The following SH3RF3 variants were observed in gnomAD, a reference collection of about 807,000 sequenced individuals.
The protein encoded by SH3RF3 is E3 ubiquitin-protein ligase SH3RF3.
Under a neutral mutation model 66.3 loss-of-function variants are expected in SH3RF3, and 29 were observed. That is an observed-to-expected ratio of 0.44 (90% CI 0.33 to 0.60). SH3RF3 has a LOEUF of 0.60. SH3RF3 is among the 20% of genes least tolerant of loss of function. SH3RF3 has a pLI of 0.04. For missense variants in SH3RF3, 1,194 were observed against 1,190.9 expected (o/e 1.00, Z -0.04); for synonymous variants, 583 against 532.0 (o/e 1.10, Z -1.32).
intron 1 of SH3RF3, among the ~76,000 whole-genome samples, chr2:109,304,440 G>A (rs1078254): frequency 0.32 from 48,046 of 151,704 alleles, 9,522 homozygotes; most frequent in African/African-American, 0.57. Context: ...TTAAGGCTGA[G>A]TTGCCCCACG....
intron 1 of SH3RF3, among the ~76,000 whole-genome samples, chr2:109,271,405 A>G (rs1019559957): frequency 1.3e-5 from 2 of 152,208 alleles, no homozygotes; most frequent in East Asian, 1.9e-4. Context: ...TAGAGTAAAA[A>G]CATTTCACAT....
rs1344939483 is a variant in SH3RF3, at chr2:109,131,022, C to A, written c.573+909C>A. Among the ~76,000 whole-genome samples the A allele has an allele frequency of 3.9e-5, 6 of 152,138 alleles. No individual in the cohort carries two copies. The East Asian group carries it at 1.2e-3, about 29-fold the overall frequency. ...AAGCACTTAAATGTTAAAAAAAATA[C>A]ATTATCTATTGGAATAATCATTTGC... On this transcript the variant is annotated intron_variant, in intron 1 of 9. Coordinates refer to ENST00000309415, the MANE Select transcript of SH3RF3 (RefSeq NM_001099289.3).
intron 1 of SH3RF3, among the ~76,000 whole-genome samples, chr2:109,179,967 AG>A (rs10713791): frequency 0.81 from 122,953 of 151,970 alleles, 49,874 homozygotes; most frequent in South Asian, 0.86. Flanking sequence ...TTGGACCCAA[AG>A]GTGTTCTTAA....
At chr2:109,246,366 A>G (rs897752912) in intron 1 of SH3RF3, among the ~76,000 whole-genome samples, 5 of 152,146 alleles carry the variant, frequency 3.3e-5, no homozygotes, top group Admixed American at 1.3e-4. Flanking sequence ...AGAGGGGGCA[A>G]GGCAACTCTC....
intron 1 of SH3RF3, among the ~76,000 whole-genome samples, chr2:109,146,503 G>A (rs1370351334): frequency 6.6e-6 from 1 of 152,122 alleles, no homozygotes; most frequent in African/African-American, 2.4e-5. Context: ...TTCAATGGCA[G>A]GAGGAAGGGC....
At chr2:109,297,716 A>C (rs1453042199) in intron 1 of SH3RF3, among the ~76,000 whole-genome samples, 1 of 132,772 alleles carries the variant, frequency 7.5e-6, no homozygotes, top group Non-Finnish European at 1.6e-5. Context: ...ATGCCCCCCA[A>C]CTGGGTCCGT....
In SH3RF3 at chr2:109,449,609, G is replaced by A. The variant is rs111638237; in HGVS notation, c.2148+120G>A. 6.3e-3 allele frequency: 7,947 copies of A among 1,268,932 alleles called. 40 individuals carry two copies. Among genetic ancestry groups the A allele is most frequent in the Non-Finnish European group, 7.2e-3 (6,712 of 934,998 alleles). 78.6% of individuals were successfully genotyped at this position (1,268,932 alleles called of 1,614,324 possible). A position where few individuals can be genotyped will look rare whatever the true frequency, so the allele number is the denominator to read the frequency against. ...GCTAGAATGTGGGCTCCAAGTGCCT[G>A]CCCCTAGATGAACCAGGCGTGTGAC... On this transcript the variant is annotated intron_variant, in intron 8 of 9. Coordinates refer to ENST00000309415, the MANE Select transcript of SH3RF3 (RefSeq NM_001099289.3).
In SH3RF3 at chr2:109,490,835, G is replaced by A. The variant is rs1354791695; in HGVS notation, c.2379G>A (p.Arg793=). The change falls in exon 9 of 10, where the codon AGG becomes AGA. Residue 793 remains arginine, a synonymous_variant. Coordinates refer to ENST00000309415, the MANE Select transcript of SH3RF3 (RefSeq NM_001099289.3). ...QGAMGMEPLH[R]KAGSLDLNFT... ...CCATGGGGATGGAGCCTCTGCACAG[G>A]AAGGCAGGCTCCTTGGATCTAAACT... The A allele has an allele frequency of 2.0e-6, 3 of 1,536,840 alleles. No homozygotes were observed. Among genetic ancestry groups the A allele is most frequent in the Admixed American group, 2.0e-5 (1 of 50,988 alleles).
chr2:109,345,195 C>A (rs938994558), intron 1 of SH3RF3, among the ~76,000 whole-genome samples: 1 of 152,214 alleles, frequency 6.6e-6, no homozygotes, highest in Non-Finnish European at 1.5e-5. Flanking sequence ...ACCTGCCACA[C>A]TACCTAAGTT....
rs543964739 is a variant in SH3RF3, at chr2:109,261,871, A to G, written c.574-85803A>G. Among the ~76,000 whole-genome samples the G allele has an allele frequency of 3.8e-4, 57 of 151,600 alleles. No individual in the cohort carries two copies. The South Asian group carries it at 5.6e-3, about 15-fold the overall frequency. On this transcript the variant is annotated intron_variant, in intron 1 of 9. Transcript: ENST00000309415. ...AGGCTTGCCTTTTTTTTTTAAATTT[A>G]TTAATTGGGCTCTCTGCTGATACGA... is the stretch of plus-strand genomic sequence containing the variant.
chr2:109,300,765 T>C (rs527437666), intron 1 of SH3RF3, among the ~76,000 whole-genome samples: 1 of 152,316 alleles, frequency 6.6e-6, no homozygotes, highest in Non-Finnish European at 1.5e-5. Flanking sequence ...TTCATGTGGG[T>C]TGGGCTCCAC....
intron 4 of SH3RF3, among the ~76,000 whole-genome samples, chr2:109,403,485 G>A (rs796944712): frequency 1.2e-4 from 19 of 152,344 alleles, no homozygotes; most frequent in African/African-American, 4.3e-4. Flanking sequence ...GCCCTCCCTG[G>A]CCTTCCAGGG....
intron 3 of SH3RF3, among the ~76,000 whole-genome samples, chr2:109,375,455 G>A (rs1468680243): frequency 6.6e-6 from 1 of 152,106 alleles, no homozygotes. Flanking sequence ...GAGAGGAGTG[G>A]GCCTGGCCTC....
chr2:109,163,222 A>G (rs955860625), intron 1 of SH3RF3, among the ~76,000 whole-genome samples: 6 of 152,126 alleles, frequency 3.9e-5, no homozygotes, highest in African/African-American at 1.4e-4. Flanking sequence ...GCACAAGCCC[A>G]GAACTATTTT....
At chr2:109,145,729 C>T (rs907160458) in intron 1 of SH3RF3, among the ~76,000 whole-genome samples, 5 of 152,204 alleles carry the variant, frequency 3.3e-5, no homozygotes, top group African/African-American at 1.2e-4. Context: ...CCACACCATC[C>T]GTTGAGCCTC....
chr2:109,445,170 A>T (rs113529805), intron 7 of SH3RF3, among the ~76,000 whole-genome samples: 1,983 of 152,328 alleles, frequency 0.013, 52 homozygotes, highest in African/African-American at 0.046. Context: ...TGTGAAAGAG[A>T]TGTATAAACA....
chr2:109,276,289 A>AGG (rs1428615426), intron 1 of SH3RF3, among the ~76,000 whole-genome samples: 2 of 152,214 alleles, frequency 1.3e-5, no homozygotes, highest in Non-Finnish European at 2.9e-5. Flanking sequence ...GCTCTAGAAA[A>AGG]GGGTCACGAT....
intron 8 of SH3RF3, among the ~76,000 whole-genome samples, chr2:109,482,392 C>T (rs577232090): frequency 1.3e-5 from 2 of 152,272 alleles, no homozygotes; most frequent in South Asian, 2.1e-4. Context: ...TAATAAATAC[C>T]AGGGACACCC....
chr2:109,155,447 C>T (rs1420033345), intron 1 of SH3RF3, among the ~76,000 whole-genome samples: 4 of 152,058 alleles, frequency 2.6e-5, no homozygotes, highest in African/African-American at 4.8e-5. Flanking sequence ...GGACTACAGG[C>T]GCCCACCACC....
Sources: gnomAD v4.1 joint callset for allele counts (sites outside exome capture counted in the v4.1 genomes callset) on GRCh38, gnomAD v4.1.1 for gene constraint, MANE v1.5 for transcripts, NCBI Gene and HGNC (gene_info 2026-07-23, HGNC 2026-07-21) for gene names.